LRWD1: variants seen among roughly 807,000 people sequenced by gnomAD.
LRWD1 encodes the protein leucine-rich repeat and WD repeat-containing protein 1.
In LRWD1, 76 loss-of-function variants were observed where a neutral mutation model predicts 75.6. That is an observed-to-expected ratio of 1.01 (90% confidence interval 0.84 to 1.22). LRWD1 has a LOEUF of 1.22. Ranked by LOEUF, LRWD1 falls within the 50% of genes most tolerant of loss-of-function variation. LRWD1 has a pLI of 0.00. For synonymous variants in LRWD1, 487 were observed against 377.0 expected (o/e 1.29, Z -3.38); for missense variants, 917 against 862.0 (o/e 1.06, Z -0.80).
chr7:102,472,143 CTGCAGATGCCTGGGTGAGT>C (rs1241031499), intron 11 of LRWD1, 56 bp from the exon 12 acceptor site: 1 of 1,357,956 alleles, frequency 7.4e-7, no homozygotes, highest in Non-Finnish European at 1.0e-6. Flanking sequence ...AGCAGGTGCG[CTGCAGATGCCTGGGTGAGT>C]GGGCAGCTCT....
rs923060732 is a variant in LRWD1 at position 102,465,227 on chromosome 7, C to T, written c.80+67C>T. On this transcript the variant is annotated intron_variant, in intron 1 of 14. Transcript: ENST00000292616. ...GGCGGTCGGGGAGAAGAGCGGGGAC[C>T]CTCCCCAACGGCCCGCTTGTCCCCG... 4.3e-4 allele frequency: 574 copies of T among 1,325,658 alleles called. 1 individual carries two copies. Among genetic ancestry groups the T allele is most frequent in the Non-Finnish European group, 3.8e-4 (390 of 1,015,046 alleles). 82.1% of individuals were successfully genotyped at this position (1,325,658 alleles called of 1,614,324 possible).
At chr7:102,472,132 C>T (rs1798211656) in intron 11 of LRWD1, 86 bp from the exon 12 acceptor site, 1 of 1,229,194 alleles carries the variant, frequency 8.1e-7, no homozygotes, top group Non-Finnish European at 1.2e-6. Flanking sequence ...GCAGGGTCCC[C>T]AGCAGGTGCG....
chr7:102,469,116 C>A, intron 9 of LRWD1, 54 bp downstream of exon 9: 1 of 1,456,988 alleles, frequency 6.9e-7, no homozygotes. Flanking sequence ...TCCTGCTGCC[C>A]CAGTAGCCTC....
chr7:102,467,459 A>C lies in LRWD1; in HGVS notation c.553A>C (p.Ser185Arg), dbSNP rs1308666984. 6.2e-6 allele frequency: 10 copies of C among 1,613,736 alleles called. No homozygotes were observed. Among genetic ancestry groups the C allele is most frequent in the Non-Finnish European group, 8.5e-6 (10 of 1,179,974 alleles). ...TGTCCGCTACGGGCCCGAGTCCCTCAGCGAGTTCACCCAGTGGCGGGTATG... is the reference window on the plus strand; with the variant it reads ...TGTCCGCTACGGGCCCGAGTCCCTCCGCGAGTTCACCCAGTGGCGGGTATG... ...RDVRYGPESL[S>R]EFTQWRVRMI... is the part of the protein sequence containing the mutation. Residue 185 changes from serine to arginine, a missense_variant, in exon 4 of 15, where the codon AGC becomes CGC. Physicochemically the swap from Ser to Arg is moderately radical, Grantham distance 110. Coordinates refer to ENST00000292616, the MANE Select transcript of LRWD1 (RefSeq NM_152892.3).
intron 4 of LRWD1, 102 bp from the exon 5 acceptor site, chr7:102,467,617 C>T (rs1437102873): frequency 6.6e-7 from 1 of 1,504,486 alleles, no homozygotes; most frequent in Non-Finnish European, 9.0e-7. Flanking sequence ...TGGAGAGGCC[C>T]TTCCCCAACT....
In LRWD1 at chr7:102,468,973, G is replaced by C. The variant is rs376560819; in HGVS notation, c.1139G>C (p.Arg380Pro). 6.2e-7 allele frequency: 1 copy of C among 1,612,618 alleles called. No homozygotes were observed. Among genetic ancestry groups the C allele is most frequent in the Non-Finnish European group, 8.5e-7 (1 of 1,179,830 alleles). The change falls in exon 9 of 15, where the codon CGT (arginine) becomes CCT (proline). Residue 380 changes from arginine (R) to proline (P), a missense_variant. Transcript: ENST00000292616. ...LRGLVRLLHV[R>P]AGFCCGVIRA... is the part of the protein sequence containing the mutation. The stretch of plus-strand genomic sequence containing the variant: ...GGCCTGGTCCGGCTGCTGCACGTGC[G>C]TGCCGGCTTCTGCTGCGGGGTCATC...
Position 102,468,072 on chromosome 7 carries a change from C to G in LRWD1, c.689C>G (p.Ala230Gly). 6.2e-7 allele frequency: 1 copy of G among 1,608,330 alleles called. No homozygotes were observed. The highest frequency in any genetic ancestry group is 1.7e-5 in the Admixed American group (1 of 59,942). Reference protein sequence around the residue: ...GAAHKPRARLAALKRPDDVPL... With the variant: ...GAAHKPRARLGALKRPDDVPL... ...AGGCCCCCTCCACAGGCCAGACTGGCGGCCTTGAAACGGCCAGACGACGTC... is the reference window on the plus strand; with the variant it reads ...AGGCCCCCTCCACAGGCCAGACTGGGGGCCTTGAAACGGCCAGACGACGTC... Residue 230 changes from alanine (A) to glycine (G), a missense_variant, in exon 6 of 15, where the codon GCG becomes GGG. Physicochemically the swap from Ala to Gly is moderately conservative, Grantham distance 60. Coordinates refer to ENST00000292616, the MANE Select transcript of LRWD1 (RefSeq NM_152892.3).
rs1475981482 is a variant in LRWD1, at chr7:102,472,723, G to A, written c.1722G>A (p.Glu574=). 6.2e-7 allele frequency: 1 copy of A among 1,613,572 alleles called. No homozygotes were observed. Among genetic ancestry groups the A allele is most frequent in the Non-Finnish European group, 8.5e-7 (1 of 1,179,940 alleles). Residue 574 remains glutamate, a synonymous_variant, in exon 14 of 15, where the codon GAG becomes GAA. Transcript: ENST00000292616. ...GGATTGTGCTCTGTGGGGATGAGGAGGGCAACGTGTGGCTCTACGACGTCA... is the reference window on the plus strand; with the variant it reads ...GGATTGTGCTCTGTGGGGATGAGGAAGGCAACGTGTGGCTCTACGACGTCA... ...DKGIVLCGDE[E]GNVWLYDVSN...
intron 11 of LRWD1, chr7:102,470,115 C>T: frequency 1.9e-6 from 1 of 529,524 alleles, no homozygotes; most frequent in South Asian, 3.1e-5. Context: ...ACCTCCCCTT[C>T]ACCTGGGGCT....
chr7:102,465,132 G>T lies in LRWD1; in HGVS notation c.52G>T (p.Asp18Tyr). 6.6e-7 allele frequency: 1 copy of T among 1,519,202 alleles called. No homozygotes were observed. The highest frequency in any genetic ancestry group is 1.3e-5 in the South Asian group (1 of 79,764). 94.1% of individuals were successfully genotyped at this position (1,519,202 alleles called of 1,614,324 possible). A position where few individuals can be genotyped will look rare whatever the true frequency, so the allele number is the denominator to read the frequency against. Residue 18 changes from aspartate (D) to tyrosine (Y), a missense_variant, in exon 1 of 15, where the codon GAC becomes TAC. Transcript: ENST00000292616. ...AATGCAGCGCGGGCGCCCCAAGAGCGACCGGCTGGGGAAGATCCGGAGTCT... is the reference window on the plus strand; with the variant it reads ...AATGCAGCGCGGGCGCCCCAAGAGCTACCGGCTGGGGAAGATCCGGAGTCT... ...LLMQRGRPKS[D>Y]RLGKIRSLDL...
chr7:102,472,683 T>G lies in LRWD1; in HGVS notation c.1691-9T>G. 1.2e-6 allele frequency: 2 copies of G among 1,613,402 alleles called. No individual in the cohort carries two copies. The highest frequency in any genetic ancestry group is 3.3e-5 in the Admixed American group (2 of 60,020). On this transcript the variant is annotated splice_polypyrimidine_tract_variant and intron_variant, in intron 13 of 14. Coordinates refer to ENST00000292616, the MANE Select transcript of LRWD1 (RefSeq NM_152892.3). ...TGCCCCCACTCAGACTCCACCTCTG[T>G]CCCGGCAGATAAGGGGATTGTGCTC... is the stretch of plus-strand genomic sequence containing the variant.
chr7:102,469,530 G>GGTC (rs1466442865), intron 9 of LRWD1, 44 bp from the exon 10 acceptor site: 1 of 1,607,670 alleles, frequency 6.2e-7, no homozygotes, highest in Non-Finnish European at 8.5e-7. Context: ...GAGGGAGCAG[G>GGTC]GTCATCTCAG....
chr7:102,468,420 G>A, intron 7 of LRWD1, 43 bp downstream of exon 7: 1 of 1,555,942 alleles, frequency 6.4e-7, no homozygotes, highest in Non-Finnish European at 8.7e-7. Context: ...GCTGGAAATA[G>A]GGCCGCCTGG....
chr7:102,465,511 T>C (rs1797938300), intron 1 of LRWD1: 1 of 190,972 alleles, frequency 5.2e-6, no homozygotes, highest in East Asian at 9.5e-5. Flanking sequence ...TTTTTTTTTT[T>C]TTTTTTTTTT....
chr7:102,472,415 G>T, intron 12 of LRWD1, 39 bp from the exon 13 acceptor site: 3 of 1,546,754 alleles, frequency 1.9e-6, no homozygotes, highest in Non-Finnish European at 2.6e-6. Flanking sequence ...AGGTGTCTGG[G>T]AGGGGCCACC....
At chr7:102,467,877 A>C (rs1798060825) in intron 5 of LRWD1, 54 bp downstream of exon 5, 1 of 1,527,928 alleles carries the variant, frequency 6.5e-7, no homozygotes, top group South Asian at 1.2e-5. Context: ...TCCCTGGAGA[A>C]GCTTCAGGAG....
rs1251744387 is a variant in LRWD1 at position 102,473,120 on chromosome 7, G to A, written c.*71G>A. 2 of 1,472,950 alleles carry A rather than the reference G, an allele frequency of 1.4e-6. No individual in the cohort carries two copies. Among genetic ancestry groups the A allele is most frequent in the Non-Finnish European group, 1.8e-6 (2 of 1,092,250 alleles). 91.2% of individuals were successfully genotyped at this position (1,472,950 alleles called of 1,614,324 possible). A position where few individuals can be genotyped will look rare whatever the true frequency, so the allele number is the denominator to read the frequency against. On this transcript the variant is annotated 3_prime_UTR_variant, in exon 15 of 15. Coordinates refer to ENST00000292616, the MANE Select transcript of LRWD1 (RefSeq NM_152892.3). ...TCAGCTTTGGGCCGATGGGGGTGGG[G>A]GGGGGTCTTTCAGTGAATATTTTTA...
Position 102,472,488 on chromosome 7 carries a change from G to T in LRWD1, c.1569G>T (p.Leu523=). 6.5e-7 allele frequency: 1 copy of T among 1,544,056 alleles called. No individual in the cohort carries two copies. Reference sequence around the variant, plus strand: ...GGAGCGGCCTGGGCACCATCTGCCTGTGGAGCTGGAGGCAGACGTGGGGGG... The same window carrying T: ...GGAGCGGCCTGGGCACCATCTGCCTTTGGAGCTGGAGGCAGACGTGGGGGG... ...SKGSGLGTIC[L]WSWRQTWGGR... The change falls in exon 13 of 15, where the codon CTG becomes CTT. Residue 523 remains leucine (L), a synonymous_variant. Coordinates refer to ENST00000292616, the MANE Select transcript of LRWD1 (RefSeq NM_152892.3).
chr7:102,466,799 G>T (rs1797996477), intron 3 of LRWD1, among the ~76,000 whole-genome samples: 15 of 90,218 alleles, frequency 1.7e-4, no homozygotes, highest in East Asian at 9.5e-4. Context: ...TTTTTTTTTA[G>T]AGACAGGGTC....
Sources: gnomAD v4.1 joint callset for allele counts (sites outside exome capture counted in the v4.1 genomes callset) on GRCh38, gnomAD v4.1.1 for gene constraint, MANE v1.5 for transcripts, NCBI Gene and HGNC (gene_info 2026-07-23, HGNC 2026-07-21) for gene names.